FRMD6: variants seen among roughly 807,000 people sequenced by gnomAD.
FRMD6 encodes the protein FERM domain-containing protein 6.
In FRMD6, 37 loss-of-function variants were observed where a neutral mutation model predicts 73.2. The ratio of observed to expected loss-of-function variants is 0.51; its 90% CI spans 0.39 to 0.66. The LOEUF (loss-of-function observed/expected upper bound fraction) is 0.66. Ranked by LOEUF, FRMD6 falls within the 30% of genes least tolerant of loss-of-function variation. FRMD6 has a pLI of 0.00. For missense variants in FRMD6, 714 were observed against 780.5 expected (o/e 0.91, Z 1.02); for synonymous variants, 273 against 282.2 (o/e 0.97, Z 0.33).
chr14:51,485,126 C>A (rs149640351), upstream of FRMD6, among the ~76,000 whole-genome samples: 1 of 152,188 alleles, frequency 6.6e-6, no homozygotes, highest in Admixed American at 6.5e-5. Context: ...GGACAGTTGG[C>A]TTTTAAGGCG....
intron 1 of FRMD6, among the ~76,000 whole-genome samples, chr14:51,683,501 C>T (rs936326835): frequency 4.0e-5 from 6 of 151,756 alleles, no homozygotes; most frequent in African/African-American, 1.5e-4. Context: ...GTTTCCCAGA[C>T]TGGTCTCCAA....
chr14:51,624,702 C>T (rs1891054725), intron 2 of FRMD6, among the ~76,000 whole-genome samples: 1 of 152,130 alleles, frequency 6.6e-6, no homozygotes, highest in Admixed American at 6.5e-5. Context: ...CATTTCTGGC[C>T]CCTGAAGCTC....
At chr14:51,556,786 C>T (rs1005808900) in intron 1 of FRMD6, among the ~76,000 whole-genome samples, 2 of 152,124 alleles carry the variant, frequency 1.3e-5, no homozygotes, top group African/African-American at 2.4e-5. Context: ...AGTTCTTTCC[C>T]GAGCTGCCCC....
At chr14:51,634,857 T>C (rs2139997157) in intron 2 of FRMD6, among the ~76,000 whole-genome samples, 1 of 152,336 alleles carries the variant, frequency 6.6e-6, no homozygotes, top group East Asian at 1.9e-4. Context: ...AATGAAAACG[T>C]TAGATTAAAT....
chr14:51,711,360 T>G (rs10141682), intron 7 of FRMD6, among the ~76,000 whole-genome samples, 171 bp from the exon 8 acceptor site: 3,256 of 152,320 alleles, frequency 0.021, 131 homozygotes, highest in African/African-American at 0.073. Context: ...CATGGTTTTC[T>G]TAATTCTTGT....
chr14:51,428,220 A>T, the FRMD6 span, among the ~76,000 whole-genome samples: 188 of 152,306 alleles, frequency 1.2e-3, no homozygotes, highest in Non-Finnish European at 1.4e-3. Context: ...AACCCTGACT[A>T]TGCATTAGAA....
At chr14:51,488,672 C>T (rs1439699456), upstream of FRMD6, among the ~76,000 whole-genome samples, 2 of 152,232 alleles carry the variant, frequency 1.3e-5, no homozygotes, top group Non-Finnish European at 2.9e-5. Context: ...TCATCTTTGA[C>T]TCTCCTACAT....
At chr14:51,511,359 A>G (rs1449206139) in intron 1 of FRMD6, among the ~76,000 whole-genome samples, 1 of 152,258 alleles carries the variant, frequency 6.6e-6, no homozygotes, top group African/African-American at 2.4e-5. Context: ...TTCTGATAAT[A>G]TGAATAACAG....
intron 1 of FRMD6, among the ~76,000 whole-genome samples, chr14:51,516,231 C>A (rs8014961): frequency 0.38 from 57,658 of 151,650 alleles, 11,057 homozygotes; most frequent in South Asian, 0.42. Context: ...CACAAAAAAA[C>A]AAAATGTGTT....
Position 51,674,223 on chromosome 14 carries a change from C to A in FRMD6, c.-146-15468C>A, listed in dbSNP as rs185596916. ...CTAGAAAGCCCACTATGAGGAGCAA[C>A]ACCATGTTTTCTTCATTCATTCTTC... On this transcript the variant is annotated intron_variant, in intron 1 of 13. Coordinates refer to ENST00000344768, the MANE Select transcript of FRMD6 (RefSeq NM_001267046.2). 1.6e-3 allele frequency among the ~76,000 whole-genome samples: 242 copies of A among 152,268 alleles called. 1 individual carries two copies. Among genetic ancestry groups the A allele is most frequent in the African/African-American group, 5.3e-3 (219 of 41,532 alleles).
the FRMD6 span, among the ~76,000 whole-genome samples, chr14:51,481,139 A>C: frequency 6.6e-6 from 1 of 152,246 alleles, no homozygotes; most frequent in Non-Finnish European, 1.5e-5. Flanking sequence ...AATGTGATGC[A>C]GGTTTCATAC....
In FRMD6 at chr14:51,606,957, G is replaced by A. The variant is rs1249619029; in HGVS notation, c.-147+36547G>A. ...GCCTGGAATTGTTGTTCAAGGACAG[G>A]AGAGGAATGGTGTATCCCGGTTCCA... On this transcript the variant is annotated intron_variant, in intron 2 of 14. Transcript: ENST00000356218. Among the ~76,000 whole-genome samples the A allele has an allele frequency of 3.9e-5, 6 of 152,140 alleles. No individual in the cohort carries two copies. In the South Asian group the frequency reaches 1.0e-3, roughly 26 times the overall value.
At chr14:51,427,166 A>T in the FRMD6 span, among the ~76,000 whole-genome samples, 1 of 152,216 alleles carries the variant, frequency 6.6e-6, no homozygotes, top group Non-Finnish European at 1.5e-5. Flanking sequence ...CAAGGTGGAA[A>T]ATCGGTTTAT....
chr14:51,613,870 A>G (rs1356675164), intron 2 of FRMD6, among the ~76,000 whole-genome samples: 1 of 152,276 alleles, frequency 6.6e-6, no homozygotes, highest in East Asian at 1.9e-4. Context: ...AATATTAACA[A>G]TATATTTTAT....
chr14:51,545,397 C>T (rs1404815620), intron 1 of FRMD6, among the ~76,000 whole-genome samples: 1 of 152,062 alleles, frequency 6.6e-6, no homozygotes, highest in African/African-American at 2.4e-5. Context: ...AAGGAAGCTG[C>T]ATGATCTGTC....
chr14:51,597,625 G>A (rs1950930), intron 2 of FRMD6, among the ~76,000 whole-genome samples: 87,767 of 152,062 alleles, frequency 0.58, 25,827 homozygotes, highest in African/African-American at 0.68. Context: ...TCATCTGTAA[G>A]TGGGGATAAT....
chr14:51,673,153 A>G (rs1390003774), intron 1 of FRMD6, among the ~76,000 whole-genome samples: 3 of 152,092 alleles, frequency 2.0e-5, no homozygotes, highest in African/African-American at 7.2e-5. Flanking sequence ...CATAAATATT[A>G]TAGGGTTTCT....
chr14:51,577,526 C>T (rs905224767), intron 2 of FRMD6, among the ~76,000 whole-genome samples: 3 of 152,152 alleles, frequency 2.0e-5, no homozygotes, highest in South Asian at 2.1e-4. Context: ...ATACGAAACT[C>T]GCGTACAAAT....
chr14:51,566,117 A>T (rs1887759258), intron 1 of FRMD6, among the ~76,000 whole-genome samples: 1 of 152,242 alleles, frequency 6.6e-6, no homozygotes, highest in South Asian at 2.1e-4. Flanking sequence ...GTGAGCCGAG[A>T]TCATGCCAGT....
Sources: gnomAD v4.1 joint callset for allele counts (sites outside exome capture counted in the v4.1 genomes callset) on GRCh38, gnomAD v4.1.1 for gene constraint, MANE v1.5 for transcripts, NCBI Gene and HGNC (gene_info 2026-07-23, HGNC 2026-07-21) for gene names.